The following ZFYVE26 variants were observed in gnomAD, a reference collection of about 807,000 sequenced individuals.
ZFYVE26 encodes zinc finger FYVE-type containing 26, also known as zinc finger FYVE domain-containing protein 26.
In ZFYVE26, 181 loss-of-function variants were observed where a neutral mutation model predicts 276.5. The ratio of observed to expected loss-of-function variants is 0.65; its 90% CI spans 0.58 to 0.74. The LOEUF (loss-of-function observed/expected upper bound fraction) is 0.74. ZFYVE26 is among the 30% of genes least tolerant of loss of function. ZFYVE26 has a pLI of 0.00. For synonymous variants in ZFYVE26, 1,129 were observed against 1,203.1 expected, an observed-to-expected ratio of 0.94 and a Z score of 1.27; for missense variants, 2,821 against 3,097.9, an observed-to-expected ratio of 0.91 and a Z score of 2.12.
At position 67,778,256 on chromosome 14, in the gene ZFYVE26, G is replaced by A; in HGVS notation, c.4675-8C>T. The A allele has an allele frequency of 6.2e-7, 1 of 1,614,096 alleles. No individual in the cohort carries two copies. Among genetic ancestry groups the A allele is most frequent in the Non-Finnish European group, 8.5e-7 (1 of 1,179,972 alleles). ...TTCACACAGTTCATACTCCTGGAAGGAAACACACATGCCTTCAACCCCTTT... is the reference window on the plus strand; with the variant it reads ...TTCACACAGTTCATACTCCTGGAAGAAAACACACATGCCTTCAACCCCTTT... On this transcript the variant is annotated splice_region_variant and splice_polypyrimidine_tract_variant and intron_variant, in intron 23 of 41. Coordinates refer to ENST00000347230, the MANE Select transcript of ZFYVE26 (RefSeq NM_015346.4).
intron 13 of ZFYVE26, among the ~76,000 whole-genome samples, chr14:67,739,513 A>AT (rs112160011): frequency 0.11 from 16,870 of 149,168 alleles, 975 homozygotes; most frequent in Middle Eastern, 0.26. Context: ...CTACTTTTTA[A>AT]TTTTTTTTTT....
rs148605697 is a variant in ZFYVE26 at position 67,776,035 on chromosome 14, C to T, written c.5046G>A (p.Leu1682=). Residue 1682 remains leucine (L), a synonymous_variant, in exon 26 of 42, where the codon CTG becomes CTA. Coordinates refer to ENST00000347230, the MANE Select transcript of ZFYVE26 (RefSeq NM_015346.4). ...CCTTCATGTTCATAAGCAGCTGCTC[C>T]AGCATGAACAGGGGGTTAGAGGACA... The part of the protein sequence containing the change: ...SHLSSNPLFM[L]EQLLMNMKVD... 4.3e-6 allele frequency: 7 copies of T among 1,614,208 alleles called. No individual in the cohort carries two copies. The highest frequency in any genetic ancestry group is 5.1e-6 in the Non-Finnish European group (6 of 1,180,040).
rs1156553298 is a variant in ZFYVE26 at position 67,769,688 on chromosome 14, A to C, written c.5527T>G (p.Cys1843Gly). Reference sequence around the variant, plus strand: ...ATTTTCTTAGTGGAGCAGGAGCTGCACACTAGCCGGCCACAGCGGCGACAA... The same window carrying C: ...ATTTTCTTAGTGGAGCAGGAGCTGCCCACTAGCCGGCCACAGCGGCGACAA... ...HHCRRCGRLV[C>G]SSCSTKKMVV... Residue 1843 changes from cysteine to glycine, a missense_variant, in exon 29 of 42, where the codon TGC (cysteine) becomes GGC (glycine). Transcript: ENST00000347230. 6.2e-7 allele frequency: 1 copy of C among 1,614,014 alleles called. No homozygotes were observed. The highest frequency in any genetic ancestry group is 8.5e-7 in the Non-Finnish European group (1 of 1,180,004).
chr14:67,814,111 T>A, intron 2 of ZFYVE26, 47 bp from the exon 3 acceptor site: 1 of 1,470,556 alleles, frequency 6.8e-7, no homozygotes. Flanking sequence ...TTTCTACTGA[T>A]CTTTCATCTT....
intron 35 of ZFYVE26, among the ~76,000 whole-genome samples, chr14:67,759,413 C>T (rs2038875400): frequency 6.6e-6 from 1 of 151,856 alleles, no homozygotes; most frequent in Non-Finnish European, 1.5e-5. Context: ...ATCACAAGGT[C>T]AAGATATCGA....
At chr14:67,784,047 A>G (rs2039583196) in intron 20 of ZFYVE26, among the ~76,000 whole-genome samples, 1 of 152,240 alleles carries the variant, frequency 6.6e-6, no homozygotes, top group Non-Finnish European at 1.5e-5. Flanking sequence ...CTGTTTTCCT[A>G]CAGTCTAATC....
intron 13 of ZFYVE26, among the ~76,000 whole-genome samples, chr14:67,736,519 C>CA (rs2038354110): frequency 1.3e-5 from 2 of 151,306 alleles, no homozygotes; most frequent in South Asian, 4.2e-4. Flanking sequence ...GACTAAAAGG[C>CA]AAAAAAAGTT....
In ZFYVE26 at chr14:67,748,088, T is replaced by G; in HGVS notation, c.*348A>C. ...GGCAAGTCTAAAGTAAAGTGCCTCT[T>G]TTAAATGGAGAAGAGTTTCATTTGT... is the stretch of plus-strand genomic sequence containing the variant. On this transcript the variant is annotated 3_prime_UTR_variant, in exon 42 of 42. Transcript: ENST00000347230. The G allele has an allele frequency of 3.3e-6, 1 of 299,898 alleles. No individual in the cohort carries two copies. The highest frequency in any genetic ancestry group is 6.3e-6 in the Non-Finnish European group (1 of 157,714). 18.6% of individuals were successfully genotyped at this position (299,898 alleles called of 1,614,324 possible). A position where few individuals can be genotyped will look rare whatever the true frequency, so the allele number is the denominator to read the frequency against.
chr14:67,737,044 T>A (rs1290060884), intron 13 of ZFYVE26, among the ~76,000 whole-genome samples: 1 of 151,982 alleles, frequency 6.6e-6, no homozygotes, highest in Non-Finnish European at 1.5e-5. Context: ...GCTGTGTACA[T>A]TTCCAGCATC....
At chr14:67,790,836 A>G (rs2039795344) in intron 14 of ZFYVE26, 63 bp from the exon 15 acceptor site, 1 of 1,491,298 alleles carries the variant, frequency 6.7e-7, no homozygotes, top group African/African-American at 1.4e-5. Context: ...ATGTCCATGG[A>G]TAGGAGATCT....
intron 16 of ZFYVE26, 85 bp from the exon 17 acceptor site, chr14:67,786,318 G>A: frequency 6.7e-7 from 1 of 1,486,244 alleles, no homozygotes; most frequent in Non-Finnish European, 9.0e-7. Flanking sequence ...GTATTTACCT[G>A]TGAAATTTTA....
chr14:67,774,130 CA>C (rs1393207291), intron 27 of ZFYVE26, among the ~76,000 whole-genome samples: 1 of 152,190 alleles, frequency 6.6e-6, no homozygotes, highest in Non-Finnish European at 1.5e-5. Flanking sequence ...TGGTCATTTG[CA>C]AACACATGCG....
intron 26 of ZFYVE26, 113 bp downstream of exon 26, chr14:67,775,747 T>A: frequency 1.4e-6 from 2 of 1,444,588 alleles, no homozygotes; most frequent in Non-Finnish European, 1.9e-6. Context: ...TGAAGTGTAT[T>A]CATTCACTCT....
chr14:67,798,907 G>GA, intron 10 of ZFYVE26: 2 of 962,582 alleles, frequency 2.1e-6, no homozygotes, highest in South Asian at 3.0e-5. Context: ...CGCCCCCGGG[G>GA]AGGGCGCTGA....
At chr14:67,756,863 C>T (rs942318006) in intron 35 of ZFYVE26, among the ~76,000 whole-genome samples, 1 of 152,170 alleles carries the variant, frequency 6.6e-6, no homozygotes, top group Non-Finnish European at 1.5e-5. Context: ...AACTTATATC[C>T]AATTGTCTAC....
At chr14:67,784,482 A>G in intron 19 of ZFYVE26, 46 bp from the exon 20 acceptor site, 1 of 1,538,622 alleles carries the variant, frequency 6.5e-7, no homozygotes, top group Non-Finnish European at 9.0e-7. Context: ...ACTGACTGCA[A>G]GAGTTCAGAG....
In ZFYVE26 at chr14:67,802,060, A is replaced by G. The variant is rs1295540476; in HGVS notation, c.1639+19T>C. The G allele has an allele frequency of 2.5e-6, 4 of 1,612,190 alleles. No homozygotes were observed. Among genetic ancestry groups the G allele is most frequent in the South Asian group, 2.2e-5 (2 of 90,982 alleles). ...GTGTTGTTATCAGCTTATCTCACGG[A>G]TGGAGGGAAGTGCTGTACCTGGGGA... On this transcript the variant is annotated intron_variant, in intron 10 of 41. Transcript: ENST00000347230.
chr14:67,763,156 C>T (rs927002231), intron 32 of ZFYVE26, among the ~76,000 whole-genome samples: 2 of 152,186 alleles, frequency 1.3e-5, no homozygotes, highest in Admixed American at 6.5e-5. Flanking sequence ...CCGTCCACCT[C>T]GGCCTCCCAA....
rs757308342 is a variant in ZFYVE26, at chr14:67,777,664, G to A, written c.4869C>T (p.Ser1623=). ...VTEQSLDQHT[S]LATSHFLANY... is the part of the protein sequence containing the mutation. ...TGGCCAAGAAGTGAGAAGTGGCCAA[G>A]CTAGTGTGCTGGTCGAGGGATTGCT... Residue 1623 remains serine, a synonymous_variant, in exon 25 of 42, where the codon AGC becomes AGT. Coordinates refer to ENST00000347230, the MANE Select transcript of ZFYVE26 (RefSeq NM_015346.4). The A allele has an allele frequency of 6.2e-7, 1 of 1,614,180 alleles. No individual in the cohort carries two copies. The highest frequency in any genetic ancestry group is 8.5e-7 in the Non-Finnish European group (1 of 1,180,044).
Sources: gnomAD v4.1 joint callset for allele counts (sites outside exome capture counted in the v4.1 genomes callset) on GRCh38, gnomAD v4.1.1 for gene constraint, MANE v1.5 for transcripts, NCBI Gene and HGNC (gene_info 2026-07-23, HGNC 2026-07-21) for gene names.